Variants in BMPR1B observed in about 807,000 individuals in gnomAD.
The protein encoded by BMPR1B is bone morphogenetic protein receptor type 1B, also known as bone morphogenetic protein receptor type-1B.
In BMPR1B, 12 loss-of-function variants were observed where a neutral mutation model predicts 59.1. The ratio of observed to expected loss-of-function variants is 0.20; its 90% CI spans 0.13 to 0.33. The LOEUF is 0.33. Among genes scored for constraint, BMPR1B ranks in the 10% least tolerant of loss-of-function variants. The probability of loss-of-function intolerance (pLI) is 1.00; values close to 1 mark genes in which losing one functional copy is unlikely to be tolerated. For missense variants in BMPR1B, 550 were observed against 610.9 expected, an observed-to-expected ratio of 0.90 and a Z score of 1.05; for synonymous variants, 237 against 207.3, an observed-to-expected ratio of 1.14 and a Z score of -1.23.
intron 1 of BMPR1B, among the ~76,000 whole-genome samples, chr4:94,802,900 C>T (rs75757904): frequency 6.6e-6 from 1 of 152,206 alleles, no homozygotes; most frequent in East Asian, 1.9e-4. Context: ...TTTTGTAGCT[C>T]TTCTCCAAGA....
chr4:95,136,683 A>G (rs1407369188), intron 10 of BMPR1B, among the ~76,000 whole-genome samples: 1 of 151,914 alleles, frequency 6.6e-6, no homozygotes, highest in African/African-American at 2.4e-5. Flanking sequence ...TCTATTTTCT[A>G]GTTTATTTGC....
At chr4:94,982,564 G>C (rs1721147044) in intron 2 of BMPR1B, among the ~76,000 whole-genome samples, 1 of 152,080 alleles carries the variant, frequency 6.6e-6, no homozygotes, top group African/African-American at 2.4e-5. Flanking sequence ...ATATGTCCTG[G>C]GTATCTGGAT....
chr4:95,041,766 T>A (rs1367029638), intron 3 of BMPR1B, among the ~76,000 whole-genome samples: 1 of 152,156 alleles, frequency 6.6e-6, no homozygotes, highest in Non-Finnish European at 1.5e-5. Flanking sequence ...TTGGGAATGA[T>A]ATTTCCTCCC....
In BMPR1B at chr4:95,154,710, A is replaced by T. The variant is rs751594392; in HGVS notation, c.*37A>T. The T allele has an allele frequency of 6.2e-7, 1 of 1,612,410 alleles. No individual in the cohort carries two copies. Among genetic ancestry groups the T allele is most frequent in the East Asian group, 2.2e-5 (1 of 44,824 alleles). On this transcript the variant is annotated 3_prime_UTR_variant, in exon 13 of 13. Transcript: ENST00000515059. The stretch of plus-strand genomic sequence containing the variant: ...AAGTAAGCATCTCTGCAGAAAGCCA[A>T]CAGGTACTCTTCTGTTTGTGGGCAG...
rs142793872 is a variant in BMPR1B at position 95,034,570 on chromosome 4, G to A, written c.-18+38436G>A. On this transcript the variant is annotated intron_variant, in intron 3 of 12. Coordinates refer to ENST00000515059, the MANE Select transcript of BMPR1B (RefSeq NM_001203.3). ...CTGAATTATTTCACTTAGAATAACC[G>A]CCTCCAGCTCCATCCAGATTACTGT... Among the ~76,000 whole-genome samples the A allele has an allele frequency of 3.2e-4, 48 of 151,912 alleles. No homozygotes were observed. The East Asian group carries it at 8.9e-3, about 28-fold the overall frequency.
chr4:94,833,050 G>A (rs1724664563), intron 1 of BMPR1B, among the ~76,000 whole-genome samples: 1 of 151,984 alleles, frequency 6.6e-6, no homozygotes, highest in South Asian at 2.1e-4. Flanking sequence ...AATTAGCCAT[G>A]CCTGGTGGCA....
chr4:95,113,848 A>G (rs2149276527), intron 4 of BMPR1B, among the ~76,000 whole-genome samples: 1 of 152,308 alleles, frequency 6.6e-6, no homozygotes, highest in East Asian at 1.9e-4. Context: ...CTACACTTTT[A>G]TAATTTTAAT....
intron 10 of BMPR1B, among the ~76,000 whole-genome samples, chr4:95,139,018 G>A (rs1382310278): frequency 6.6e-6 from 1 of 152,138 alleles, no homozygotes; most frequent in Non-Finnish European, 1.5e-5. Flanking sequence ...CAGCTTTCTT[G>A]CTCTGGTTTC....
intron 10 of BMPR1B, among the ~76,000 whole-genome samples, chr4:95,135,335 A>G (rs7693434): frequency 0.025 from 3,730 of 152,022 alleles, 138 homozygotes; most frequent in African/African-American, 0.084. Flanking sequence ...GGATTGACTT[A>G]GCAATGCGGG....
chr4:95,023,120 G>A (rs960986362), intron 3 of BMPR1B, among the ~76,000 whole-genome samples: 1 of 152,096 alleles, frequency 6.6e-6, no homozygotes, highest in Non-Finnish European at 1.5e-5. Context: ...CCAGTGTAAA[G>A]CCTATAAGGC....
chr4:94,893,688 A>C (rs554421495), intron 2 of BMPR1B, among the ~76,000 whole-genome samples: 2 of 151,976 alleles, frequency 1.3e-5, no homozygotes, highest in Non-Finnish European at 2.9e-5. Flanking sequence ...ACATGACTTG[A>C]GGTGAAATTT....
chr4:94,931,982 C>CT (rs752301795), intron 2 of BMPR1B, among the ~76,000 whole-genome samples: 2 of 152,102 alleles, frequency 1.3e-5, no homozygotes, highest in African/African-American at 2.4e-5. Flanking sequence ...GGTTGATGTT[C>CT]TTTCCACTGT....
intron 2 of BMPR1B, among the ~76,000 whole-genome samples, chr4:94,925,415 T>G (rs1728846515): frequency 6.6e-6 from 1 of 152,182 alleles, no homozygotes; most frequent in African/African-American, 2.4e-5. Context: ...ATTAATGATG[T>G]CAAAGATAAG....
At chr4:94,951,492 A>C (rs1419943016) in intron 2 of BMPR1B, among the ~76,000 whole-genome samples, 2 of 152,132 alleles carry the variant, frequency 1.3e-5, no homozygotes, top group Non-Finnish European at 2.9e-5. Context: ...AGCGCTGTTG[A>C]ATTTAATCGA....
chr4:94,855,317 A>G (rs1259882150), intron 1 of BMPR1B, among the ~76,000 whole-genome samples: 1 of 152,192 alleles, frequency 6.6e-6, no homozygotes, highest in Non-Finnish European at 1.5e-5. Context: ...ATAGAAAAGA[A>G]ATCAGAGCCA....
intron 3 of BMPR1B, among the ~76,000 whole-genome samples, chr4:95,096,461 A>C (rs1221768157): frequency 6.6e-6 from 1 of 151,282 alleles, no homozygotes; most frequent in African/African-American, 2.4e-5. Context: ...TCTATTTCTA[A>C]AGAAATATTC....
chr4:94,929,320 C>T (rs1729004770), intron 2 of BMPR1B, among the ~76,000 whole-genome samples: 1 of 152,088 alleles, frequency 6.6e-6, no homozygotes, highest in African/African-American at 2.4e-5. Context: ...TTAATATGTG[C>T]CGTGACCTAT....
intron 6 of BMPR1B, among the ~76,000 whole-genome samples, chr4:95,121,606 TGA>T (rs571407316): frequency 3.4e-4 from 51 of 152,068 alleles, no homozygotes; most frequent in African/African-American, 1.2e-3. Flanking sequence ...ACATAAATAT[TGA>T]GAGAGAGAGG....
At chr4:94,980,451 A>C (rs1398531102) in intron 2 of BMPR1B, among the ~76,000 whole-genome samples, 1 of 152,046 alleles carries the variant, frequency 6.6e-6, no homozygotes, top group African/African-American at 2.4e-5. Flanking sequence ...TGATGAGAAA[A>C]AAAATTGATT....
Sources: allele counts gnomAD v4.1 joint callset (sites outside exome capture counted in the v4.1 genomes callset), GRCh38; gene constraint gnomAD v4.1.1; transcripts MANE v1.5; gene names NCBI Gene and HGNC (gene_info 2026-07-23, HGNC 2026-07-21).